Variants in RIN3 observed in about 807,000 individuals in gnomAD.
The protein encoded by RIN3 is Ras and Rab interactor 3.
RIN3 carries 54 observed loss-of-function variants against 76.3 expected under a neutral mutation model. The ratio of observed to expected loss-of-function variants is 0.71; its 90% CI spans 0.57 to 0.89. The LOEUF is 0.89. RIN3 is among the 40% of genes least tolerant of loss of function. The pLI is 0.00. For synonymous variants in RIN3, 576 were observed against 564.0 expected (o/e 1.02, Z -0.30); for missense variants, 1,256 against 1,322.1 (o/e 0.95, Z 0.78).
chr14:92,622,340 C>A (rs1886211036), intron 4 of RIN3, among the ~76,000 whole-genome samples: 1 of 152,172 alleles, frequency 6.6e-6, no homozygotes, highest in African/African-American at 2.4e-5. Flanking sequence ...TGTGTTCCCT[C>A]CAGAGCCTGC....
Position 92,656,808 on chromosome 14 carries a change from C to T in RIN3, c.2027-2353C>T, listed in dbSNP as rs1887686322. Among the ~76,000 whole-genome samples the T allele has an allele frequency of 6.6e-6, 1 of 152,166 alleles. No individual in the cohort carries two copies. The highest frequency in any genetic ancestry group is 6.5e-5 in the Admixed American group (1 of 15,276). The stretch of plus-strand genomic sequence containing the variant: ...GGGTCAGCATCCACAGCAATGGTGC[C>T]ATTCCAGACACTGCATGTGTCAGCC... On this transcript the variant is annotated intron_variant, in intron 6 of 9. Transcript: ENST00000216487. This position sits in a 1 kb window ranked among gnomAD's most constrained non-coding sequence, Gnocchi z 5.2.
At chr14:92,636,905 T>TA (rs33933310) in intron 4 of RIN3, among the ~76,000 whole-genome samples, 1 of 151,876 alleles carries the variant, frequency 6.6e-6, no homozygotes, top group Non-Finnish European at 1.5e-5. Context: ...TAAAAATATA[T>TA]AAAAAAATAG....
chr14:92,678,219 C>A (rs1595506258), intron 8 of RIN3, among the ~76,000 whole-genome samples: 1 of 150,068 alleles, frequency 6.7e-6, no homozygotes. Context: ...CCCATTCACC[C>A]ACCCATCCAT....
At chr14:92,684,962 A>T (rs1455090911) in intron 8 of RIN3, 25 bp from the exon 9 acceptor site, 2 of 1,593,612 alleles carry the variant, frequency 1.3e-6, no homozygotes, top group East Asian at 4.5e-5. Context: ...GTCCTGGCTC[A>T]GATTCCACAC....
intron 5 of RIN3, among the ~76,000 whole-genome samples, chr14:92,647,214 C>T (rs917696062): frequency 6.6e-6 from 1 of 152,186 alleles, no homozygotes; most frequent in African/African-American, 2.4e-5. Flanking sequence ...TGATGGCTCA[C>T]AGTGTGCCTT....
rs78210263 is a variant in RIN3, at chr14:92,610,087, C to T, written c.368-5320C>T. Among the ~76,000 whole-genome samples, 133 of 152,148 alleles carry T rather than the reference C, an allele frequency of 8.7e-4. 1 individual carries two copies. In the East Asian group the frequency reaches 0.021, roughly 24 times the overall value. The stretch of plus-strand genomic sequence containing the variant: ...ATTCAGCAATTTAAAGTATACAATT[C>T]GATGGCTTTTAGTGTATCACAGAGT... On this transcript the variant is annotated intron_variant, in intron 3 of 9. Coordinates refer to ENST00000216487, the MANE Select transcript of RIN3 (RefSeq NM_024832.5).
At chr14:92,635,906 C>G (rs17184313) in intron 4 of RIN3, among the ~76,000 whole-genome samples, 5 of 152,050 alleles carry the variant, frequency 3.3e-5, no homozygotes, top group African/African-American at 1.2e-4. Context: ...GTGCTCAATT[C>G]GTTCTTTGCA....
intron 4 of RIN3, among the ~76,000 whole-genome samples, chr14:92,624,423 G>T (rs959712252): frequency 6.6e-6 from 1 of 152,172 alleles, no homozygotes; most frequent in Non-Finnish European, 1.5e-5. Flanking sequence ...GGGTTACATT[G>T]GTTATATCGA....
chr14:92,520,672 A>G (rs1471349567), intron 1 of RIN3, among the ~76,000 whole-genome samples: 2 of 152,204 alleles, frequency 1.3e-5, no homozygotes, highest in Non-Finnish European at 2.9e-5. Flanking sequence ...AAAGTTTCCC[A>G]GAGCTAAATT....
chr14:92,657,569 T>G (rs1218642803), intron 6 of RIN3, among the ~76,000 whole-genome samples: 1 of 152,084 alleles, frequency 6.6e-6, no homozygotes, highest in African/African-American at 2.4e-5. Flanking sequence ...GGCACAGCCC[T>G]CTCATTTTGC....
intron 2 of RIN3, among the ~76,000 whole-genome samples, chr14:92,562,431 T>G (rs964540605): frequency 6.6e-6 from 1 of 152,196 alleles, no homozygotes; most frequent in Non-Finnish European, 1.5e-5. Flanking sequence ...ATGCTCCACC[T>G]CCTTGATTTG....
chr14:92,550,967 T>C (rs1402868820), intron 1 of RIN3, among the ~76,000 whole-genome samples: 1 of 152,214 alleles, frequency 6.6e-6, no homozygotes, highest in Non-Finnish European at 1.5e-5. Flanking sequence ...TAACCCTCAA[T>C]GTTTTTCTCT....
At chr14:92,577,823 C>T (rs996365807) in intron 3 of RIN3, among the ~76,000 whole-genome samples, 3 of 152,222 alleles carry the variant, frequency 2.0e-5, no homozygotes, top group African/African-American at 7.2e-5. Context: ...CAGCTCAGCA[C>T]ACACTCAATC....
chr14:92,551,435 G>A (rs552845105), intron 1 of RIN3, among the ~76,000 whole-genome samples: 48 of 152,158 alleles, frequency 3.2e-4, no homozygotes, highest in Admixed American at 1.1e-3. Flanking sequence ...CTTTCTGGAC[G>A]TATACTGTCA....
Position 92,659,273 on chromosome 14 carries a change from G to A in RIN3, c.2139G>A (p.Lys713=). Residue 713 remains lysine (K), a synonymous_variant, in exon 7 of 10, where the codon AAG becomes AAA. Transcript: ENST00000216487. Reference sequence around the variant, plus strand: ...AGGATGGTTCGCTGCAGCAGCTCAAGGAGAACCAGTTAGTGATCCTGGCCA... The same window carrying A: ...AGGATGGTTCGCTGCAGCAGCTCAAAGAGAACCAGTTAGTGATCCTGGCCA... ...HSKDGSLQQL[K]ENQLVILATT... 1 of 1,614,138 alleles carries A rather than the reference G, an allele frequency of 6.2e-7. No individual in the cohort carries two copies. The highest frequency in any genetic ancestry group is 8.5e-7 in the Non-Finnish European group (1 of 1,179,986).
chr14:92,669,167 G>A (rs1009791698), intron 7 of RIN3, among the ~76,000 whole-genome samples: 7 of 152,214 alleles, frequency 4.6e-5, no homozygotes, highest in East Asian at 1.9e-4. Flanking sequence ...ACCAGGTACC[G>A]CTGAGATGTC....
intron 4 of RIN3, among the ~76,000 whole-genome samples, chr14:92,633,791 A>G (rs753036196): frequency 6.6e-6 from 1 of 152,132 alleles, no homozygotes; most frequent in South Asian, 2.1e-4. Flanking sequence ...AGTAAACTGG[A>G]CTAGAAACTA....
intron 1 of RIN3, among the ~76,000 whole-genome samples, chr14:92,551,122 G>A (rs1298392776): frequency 6.6e-6 from 1 of 152,184 alleles, no homozygotes; most frequent in Non-Finnish European, 1.5e-5. Flanking sequence ...ATCTTTTATA[G>A]TTTTGGTATA....
chr14:92,575,761 T>C (rs972581235), intron 2 of RIN3, among the ~76,000 whole-genome samples: 2 of 152,188 alleles, frequency 1.3e-5, no homozygotes, highest in Admixed American at 6.5e-5. Flanking sequence ...TGGGCCGGCT[T>C]CTTTACCACG....
Sources: gnomAD v4.1 joint callset for allele counts (sites outside exome capture counted in the v4.1 genomes callset) on GRCh38, gnomAD v4.1.1 for gene constraint, Gnocchi (gnomAD v3.1) non-coding constraint, MANE v1.5 for transcripts, NCBI Gene and HGNC (gene_info 2026-07-23, HGNC 2026-07-21) for gene names.